The following BMP6 variants were observed in gnomAD, a reference collection of about 807,000 sequenced individuals.
The protein encoded by BMP6 is bone morphogenetic protein 6.
Under a neutral mutation model 54.1 loss-of-function variants are expected in BMP6, and 17 were observed. The observed-to-expected ratio is 0.31, with a 90% CI of 0.22 to 0.47. The LOEUF is 0.47. Ranked by LOEUF, BMP6 falls within the 20% of genes least tolerant of loss-of-function variation. BMP6 has a pLI of 1.00. For missense variants in BMP6, 720 were observed against 690.4 expected (o/e 1.04, Z -0.48); for synonymous variants, 328 against 291.2 (o/e 1.13, Z -1.28).
At chr6:7,789,240 C>T (rs564274382) in intron 1 of BMP6, among the ~76,000 whole-genome samples, 1 of 152,198 alleles carries the variant, frequency 6.6e-6, no homozygotes, top group Admixed American at 6.5e-5. Context: ...GAGGAGGAAA[C>T]GAGAACTGAA....
chr6:7,791,208 C>T (rs1758101548), intron 1 of BMP6, among the ~76,000 whole-genome samples: 1 of 152,198 alleles, frequency 6.6e-6, no homozygotes, highest in Non-Finnish European at 1.5e-5. Context: ...GTGACTTCTC[C>T]ATCATCCCAG....
chr6:7,869,326 C>T (rs1190907053), intron 4 of BMP6, among the ~76,000 whole-genome samples: 1 of 152,262 alleles, frequency 6.6e-6, no homozygotes. Flanking sequence ...CAGAGCTAAC[C>T]AACAGTGGGC....
intron 4 of BMP6, among the ~76,000 whole-genome samples, chr6:7,870,655 G>T (rs1554126306): frequency 6.6e-6 from 1 of 152,046 alleles, no homozygotes; most frequent in Non-Finnish European, 1.5e-5. Context: ...AAAAAAACGG[G>T]TCTCACTCTG....
At position 7,726,721 on chromosome 6, in the gene BMP6, C is replaced by G. The variant is rs1392519520; in HGVS notation, c.-235C>G. The G allele has an allele frequency of 5.5e-6, 1 of 182,790 alleles. No homozygotes were observed. Among genetic ancestry groups the G allele is most frequent in the African/African-American group, 2.4e-5 (1 of 42,088 alleles). The allele number at this position is 182,790 out of a possible 1,614,324, so 11.3% of individuals were successfully genotyped here. On this transcript the variant is annotated 5_prime_UTR_variant, in exon 1 of 7. Coordinates refer to ENST00000283147, the MANE Select transcript of BMP6 (RefSeq NM_001718.6). ...TGCGCGAGGCTGTGAGGCTCCCCTT[C>G]CTCCCCTCCAAGCGGTTCTCCTGGT...
At chr6:7,755,298 T>C (rs1164614559) in intron 1 of BMP6, among the ~76,000 whole-genome samples, 1 of 152,230 alleles carries the variant, frequency 6.6e-6, no homozygotes, top group Non-Finnish European at 1.5e-5. Flanking sequence ...GTGTATTTTT[T>C]GTGATTTTAT....
intron 1 of BMP6, among the ~76,000 whole-genome samples, chr6:7,788,577 T>C (rs748968935): frequency 3.9e-5 from 6 of 152,210 alleles, no homozygotes; most frequent in Non-Finnish European, 8.8e-5. Context: ...ATTGTAACAC[T>C]GTATATATGC....
Position 7,880,058 on chromosome 6 carries a change from A to C in BMP6, c.1349A>C (p.Asn450Thr). Reference sequence around the variant, plus strand: ...GATGGAGAATGCTCCTTCCCACTCAACGCACACATGAATGCAACCAACCAC... The same window carrying C: ...GATGGAGAATGCTCCTTCCCACTCACCGCACACATGAATGCAACCAACCAC... ...YCDGECSFPLNAHMNATNHAI... is the reference protein window; with the variant it reads ...YCDGECSFPLTAHMNATNHAI... The change falls in exon 6 of 7, where the codon AAC becomes ACC. Residue 450 changes from asparagine (N) to threonine (T), a missense_variant. Coordinates refer to ENST00000283147, the MANE Select transcript of BMP6 (RefSeq NM_001718.6). 1 of 1,614,164 alleles carries C rather than the reference A, an allele frequency of 6.2e-7. No individual in the cohort carries two copies. The highest frequency in any genetic ancestry group is 8.5e-7 in the Non-Finnish European group (1 of 1,180,034).
At chr6:7,852,947 T>A (rs986306556) in intron 2 of BMP6, among the ~76,000 whole-genome samples, 4 of 152,004 alleles carry the variant, frequency 2.6e-5, no homozygotes, top group Non-Finnish European at 5.9e-5. Context: ...CCTTTTTTTC[T>A]GGGACTTTAG....
chr6:7,816,158 G>T (rs998521596), intron 1 of BMP6, among the ~76,000 whole-genome samples: 1 of 152,218 alleles, frequency 6.6e-6, no homozygotes, highest in East Asian at 1.9e-4. Context: ...GGAGAGGCTT[G>T]TGTGTGTACT....
intron 1 of BMP6, among the ~76,000 whole-genome samples, chr6:7,832,894 A>G (rs1383700320): frequency 6.6e-6 from 1 of 151,122 alleles, no homozygotes; most frequent in East Asian, 1.9e-4. Flanking sequence ...GGACAAATAG[A>G]GCAATTTAAG....
At chr6:7,828,374 C>T (rs376108284) in intron 1 of BMP6, among the ~76,000 whole-genome samples, 7 of 152,192 alleles carry the variant, frequency 4.6e-5, no homozygotes, top group East Asian at 1.9e-4. Context: ...GTGTTCAGAG[C>T]GCACGGCTGT....
intron 1 of BMP6, among the ~76,000 whole-genome samples, chr6:7,840,245 T>C (rs1411521089): frequency 6.6e-6 from 1 of 152,180 alleles, no homozygotes; most frequent in Non-Finnish European, 1.5e-5. Context: ...GATACACACA[T>C]GCAGTAGAAT....
At chr6:7,752,792 G>A (rs1451524891) in intron 1 of BMP6, among the ~76,000 whole-genome samples, 5 of 152,126 alleles carry the variant, frequency 3.3e-5, no homozygotes, top group Admixed American at 1.3e-4. Context: ...TTTCAGATCC[G>A]TGGATTATAA....
At chr6:7,870,898 G>T (rs1416466780) in intron 4 of BMP6, among the ~76,000 whole-genome samples, 1 of 152,174 alleles carries the variant, frequency 6.6e-6, no homozygotes, top group Non-Finnish European at 1.5e-5. Context: ...CAAAGTGCTG[G>T]GATTACAGGC....
chr6:7,817,599 A>G (rs1016259615), intron 1 of BMP6, among the ~76,000 whole-genome samples: 2 of 151,324 alleles, frequency 1.3e-5, no homozygotes, highest in African/African-American at 4.9e-5. Flanking sequence ...GGGGAGGGAT[A>G]GCATTAGGAG....
rs113365008 is a variant in BMP6 at position 7,809,860 on chromosome 6, A to G, written c.665-35280A>G. Reference sequence around the variant, plus strand: ...TAGGAATTTTTCTAGGGAACAAAACATTATCAAAGACAGCAAAATTAAGGG... The same window carrying G: ...TAGGAATTTTTCTAGGGAACAAAACGTTATCAAAGACAGCAAAATTAAGGG... On this transcript the variant is annotated intron_variant, in intron 1 of 6. Coordinates refer to ENST00000283147, the MANE Select transcript of BMP6 (RefSeq NM_001718.6). 2.0e-3 allele frequency among the ~76,000 whole-genome samples: 300 copies of G among 152,298 alleles called. 3 individuals are homozygous for G. The highest frequency in any genetic ancestry group is 7.0e-3 in the African/African-American group (290 of 41,582).
chr6:7,862,597 A>G, intron 4 of BMP6, 99 bp downstream of exon 4: 1 of 1,467,362 alleles, frequency 6.8e-7, no homozygotes, highest in Admixed American at 1.9e-5. Flanking sequence ...GCTTCTGCAC[A>G]GCAAATCCAA....
At chr6:7,778,330 C>G (rs576465898) in intron 1 of BMP6, among the ~76,000 whole-genome samples, 2 of 152,342 alleles carry the variant, frequency 1.3e-5, no homozygotes, top group African/African-American at 4.8e-5. Flanking sequence ...GTACTCTGTT[C>G]TTTAAAAGTG....
At chr6:7,735,047 AAG>A (rs1216900643) in intron 1 of BMP6, among the ~76,000 whole-genome samples, 1 of 152,196 alleles carries the variant, frequency 6.6e-6, no homozygotes, top group Non-Finnish European at 1.5e-5. Context: ...CATATCACCA[AAG>A]AGCTCAGCTG....
Sources: allele counts gnomAD v4.1 joint callset (sites outside exome capture counted in the v4.1 genomes callset), GRCh38; gene constraint gnomAD v4.1.1; transcripts MANE v1.5; gene names NCBI Gene and HGNC (gene_info 2026-07-23, HGNC 2026-07-21).